MYO16: variants seen among roughly 807,000 people sequenced by gnomAD.
MYO16 encodes unconventional myosin-XVI.
A neutral mutation model predicts 205.3 loss-of-function variants in MYO16; 94 were observed. That is an observed-to-expected ratio of 0.46 (90% CI 0.39 to 0.54). The LOEUF is 0.54. Among genes scored for constraint, MYO16 ranks in the 20% least tolerant of loss-of-function variants. MYO16 has a pLI of 0.00. For missense variants in MYO16, 2,315 were observed against 2,387.5 expected, an observed-to-expected ratio of 0.97 and a Z score of 0.63; for synonymous variants, 988 against 954.0, an observed-to-expected ratio of 1.04 and a Z score of -0.66.
In MYO16 at chr13:109,140,379, G is replaced by T; in HGVS notation, c.4167G>T (p.Ser1389=). The T allele has an allele frequency of 1.3e-6, 2 of 1,599,834 alleles. No homozygotes were observed. The highest frequency in any genetic ancestry group is 1.7e-6 in the Non-Finnish European group (2 of 1,177,834). ...TCAGCGGCTCCTACGAGGAGATATC[G>T]GGGTCCCGGCCCGGGGACGCGAGGC... The part of the protein sequence containing the change: ...TKLSGSYEEI[S]GSRPGDARPA... The change falls in exon 32 of 35, where the codon TCG becomes TCT. Residue 1389 remains serine (S), a synonymous_variant. Transcript: ENST00000457511. This position sits in a 1 kb window ranked among gnomAD's most constrained non-coding sequence, Gnocchi z 8.0.
intron 2 of MYO16, among the ~76,000 whole-genome samples, chr13:108,703,419 A>T (rs2139524870): frequency 6.6e-6 from 1 of 152,342 alleles, no homozygotes; most frequent in Non-Finnish European, 1.5e-5. Flanking sequence ...GTTCCAAAAT[A>T]CATGAAGCAA....
intron 4 of MYO16, among the ~76,000 whole-genome samples, chr13:108,756,158 C>T (rs773907849): frequency 8.6e-5 from 13 of 152,030 alleles, no homozygotes; most frequent in Non-Finnish European, 1.2e-4. Context: ...TAACACTGTT[C>T]ACATTTTTAA....
chr13:108,854,601 AG>A (rs2139098630), intron 10 of MYO16, among the ~76,000 whole-genome samples: 1 of 152,256 alleles, frequency 6.6e-6, no homozygotes, highest in Admixed American at 6.5e-5. Flanking sequence ...AAAATTTACT[AG>A]GAGTATCAAA....
chr13:108,915,753 T>C (rs1177863955), intron 16 of MYO16, among the ~76,000 whole-genome samples: 1 of 152,188 alleles, frequency 6.6e-6, no homozygotes, highest in African/African-American at 2.4e-5. Flanking sequence ...GTGGAAATGA[T>C]TGTGGTGCTG....
chr13:109,146,299 A>C (rs1051303347), intron 32 of MYO16, among the ~76,000 whole-genome samples: 9 of 152,342 alleles, frequency 5.9e-5, no homozygotes, highest in African/African-American at 2.2e-4. Context: ...ATTTTTTTAC[A>C]ATATACTTTT....
At chr13:108,646,702 A>G (rs1180844991) in intron 1 of MYO16, among the ~76,000 whole-genome samples, 2 of 152,192 alleles carry the variant, frequency 1.3e-5, no homozygotes, top group Admixed American at 6.5e-5. Flanking sequence ...CCATTGTGCT[A>G]TGAAAGTATT....
At chr13:109,132,672 A>G (rs1273845454) in intron 31 of MYO16, among the ~76,000 whole-genome samples, 1 of 152,208 alleles carries the variant, frequency 6.6e-6, no homozygotes, top group Non-Finnish European at 1.5e-5. Context: ...CATATTTTTA[A>G]CAGAAGCCCT....
chr13:109,057,011 AT>A, intron 27 of MYO16, among the ~76,000 whole-genome samples: 1 of 152,296 alleles, frequency 6.6e-6, no homozygotes, highest in Middle Eastern at 3.4e-3. Flanking sequence ...GACTAGTTCA[AT>A]GTGAGCCACT....
chr13:108,939,041 A>G (rs1195351474), intron 16 of MYO16, among the ~76,000 whole-genome samples: 1 of 152,214 alleles, frequency 6.6e-6, no homozygotes, highest in Non-Finnish European at 1.5e-5. Context: ...GTACTTTCAC[A>G]GTTCTGGCTG....
chr13:108,517,507 A>C, the MYO16 span, among the ~76,000 whole-genome samples: 3 of 152,224 alleles, frequency 2.0e-5, no homozygotes, highest in South Asian at 2.1e-4. Flanking sequence ...TTTACAACAG[A>C]CACTTGGAAA....
At chr13:109,076,751 C>T (rs114031982) in intron 27 of MYO16, among the ~76,000 whole-genome samples, 1,841 of 152,150 alleles carry the variant, frequency 0.012, 19 homozygotes, top group Admixed American at 0.021. Context: ...TGCAGCATGA[C>T]GCCAGATGTA....
At chr13:108,578,559 T>C in the MYO16 span, among the ~76,000 whole-genome samples, 4 of 152,202 alleles carry the variant, frequency 2.6e-5, no homozygotes, top group East Asian at 1.9e-4. Flanking sequence ...TGTGTACTTA[T>C]AAAGACTCTC....
intron 14 of MYO16, 27 bp downstream of exon 14, chr13:108,888,504 T>A: frequency 2.7e-6 from 4 of 1,508,364 alleles, no homozygotes; most frequent in Non-Finnish European, 3.7e-6. Context: ...GGTTGGCAAA[T>A]ATGTGAATGA....
chr13:108,841,087 T>C (rs1361519025), intron 9 of MYO16, among the ~76,000 whole-genome samples: 1 of 152,332 alleles, frequency 6.6e-6, no homozygotes, highest in Admixed American at 6.5e-5. Context: ...AATTGCCAGA[T>C]AATTTTCAAA....
chr13:108,976,259 GT>G (rs1884251817), intron 20 of MYO16, among the ~76,000 whole-genome samples: 1 of 152,052 alleles, frequency 6.6e-6, no homozygotes, highest in Non-Finnish European at 1.5e-5. Context: ...CCTAAGTGAA[GT>G]TTTATCTCTC....
chr13:109,019,986 T>G, intron 23 of MYO16, 75 bp downstream of exon 23: 2 of 1,426,406 alleles, frequency 1.4e-6, no homozygotes, highest in Non-Finnish European at 1.9e-6. Context: ...CTAGAGTTAT[T>G]GATATTTTAA....
rs767190392 is a variant in MYO16 at position 109,141,415 on chromosome 13, A to T, written c.5164+39A>T. ...ACATCCCCCCACTCCTTTTGCATGG[A>T]CGCTGTGCTTGCGTGCACCTGTGTA... On this transcript the variant is annotated intron_variant, in intron 32 of 34. Coordinates refer to ENST00000457511, the MANE Select transcript of MYO16 (RefSeq NM_001198950.3). This position sits in a 1 kb window ranked among gnomAD's most constrained non-coding sequence, Gnocchi z 4.1. 1 of 1,336,832 alleles carries T rather than the reference A, an allele frequency of 7.5e-7. No individual in the cohort carries two copies. Among genetic ancestry groups the T allele is most frequent in the Admixed American group, 3.2e-5 (1 of 31,618 alleles). 82.8% of individuals were successfully genotyped at this position (1,336,832 alleles called of 1,614,324 possible). A position where few individuals can be genotyped will look rare whatever the true frequency, so the allele number is the denominator to read the frequency against.
At chr13:108,927,772 C>G (rs1483826667) in intron 16 of MYO16, among the ~76,000 whole-genome samples, 4 of 152,176 alleles carry the variant, frequency 2.6e-5, no homozygotes, top group Non-Finnish European at 4.4e-5. Context: ...GCCATCATGA[C>G]AGTTCCACGA....
intron 16 of MYO16, among the ~76,000 whole-genome samples, chr13:108,915,177 G>A (rs1881441141): frequency 1.3e-5 from 2 of 152,140 alleles, no homozygotes; most frequent in Admixed American, 1.3e-4. Context: ...CACCTCCTAA[G>A]GCTTAGCTGC....
Sources: allele counts gnomAD v4.1 joint callset (sites outside exome capture counted in the v4.1 genomes callset), GRCh38; gene constraint gnomAD v4.1.1; non-coding constraint Gnocchi (gnomAD v3.1); transcripts MANE v1.5; gene names NCBI Gene and HGNC (gene_info 2026-07-23, HGNC 2026-07-21).